The following MKKS variants were observed in gnomAD, a reference collection of about 807,000 sequenced individuals.
MKKS encodes the protein MKKS centrosomal shuttling protein.
Under a neutral mutation model 33.2 loss-of-function variants are expected in MKKS, and 29 were observed. The ratio of observed to expected loss-of-function variants is 0.87; its 90% CI spans 0.65 to 1.19. MKKS has a LOEUF of 1.19. Ranked by LOEUF, MKKS falls within the 50% of genes most tolerant of loss-of-function variation. The pLI, the probability that MKKS is intolerant of heterozygous loss-of-function variation, is 0.00. For synonymous variants in MKKS, 260 were observed against 244.0 expected (o/e 1.07, Z -0.61); for missense variants, 661 against 662.3 (o/e 1.00, Z 0.02).
chr20:10,419,047 A>G (rs1312434038), intron 2 of MKKS, among the ~76,000 whole-genome samples: 2 of 152,154 alleles, frequency 1.3e-5, no homozygotes, highest in South Asian at 2.1e-4. Flanking sequence ...TGAACATTTA[A>G]AAGTAAAATC....
chr20:10,408,564 T>A, intron 4 of MKKS, 64 bp downstream of exon 4: 1 of 1,545,120 alleles, frequency 6.5e-7, no homozygotes, highest in East Asian at 2.2e-5. Context: ...AAAATCATAA[T>A]AACTATTGAG....
At chr20:10,418,169 A>G (rs1291527785) in intron 2 of MKKS, among the ~76,000 whole-genome samples, 1 of 152,242 alleles carries the variant, frequency 6.6e-6, no homozygotes, top group African/African-American at 2.4e-5. Context: ...ATACAAAAGG[A>G]CTACATAGTG....
In MKKS at chr20:10,404,812, C is replaced by T. The variant is rs6108549; in HGVS notation, c.*435G>A. On this transcript the variant is annotated 3_prime_UTR_variant, in exon 6 of 6. Transcript: ENST00000347364. The stretch of plus-strand genomic sequence containing the variant: ...AGTTTGAATACTTCTTTTGATTGAG[C>T]AATATATACTGAATGTTTTGTGACA... 0.14 allele frequency: 22,324 copies of T among 154,656 alleles called. 1,807 individuals are homozygous for T. The highest frequency in any genetic ancestry group is 0.24 in the East Asian group (1,266 of 5,240). 9.6% of individuals were successfully genotyped at this position (154,656 alleles called of 1,614,324 possible).
At chr20:10,415,379 T>C (rs2122241015) in intron 2 of MKKS, among the ~76,000 whole-genome samples, 1 of 152,198 alleles carries the variant, frequency 6.6e-6, no homozygotes, top group Admixed American at 6.5e-5. Flanking sequence ...TGCAAAGAGG[T>C]GGGCAGAACA....
intron 3 of MKKS, among the ~76,000 whole-genome samples, chr20:10,411,708 AG>A (rs1291630307): frequency 6.6e-6 from 1 of 152,240 alleles, no homozygotes; most frequent in African/African-American, 2.4e-5. Flanking sequence ...CAATGGTTTA[AG>A]TCTAGTAACT....
chr20:10,424,954 G>T (rs978971156), intron 1 of MKKS, among the ~76,000 whole-genome samples: 1 of 151,878 alleles, frequency 6.6e-6, no homozygotes, highest in African/African-American at 2.4e-5. Flanking sequence ...TCGGGAGGCT[G>T]AGGCAGAAGA....
intron 1 of MKKS, among the ~76,000 whole-genome samples, chr20:10,430,423 TTG>T (rs2065047006): frequency 1.3e-5 from 2 of 151,590 alleles, no homozygotes; most frequent in South Asian, 4.2e-4. Context: ...ACTTGGCACT[TTG>T]TCTGGGCTCA....
chr20:10,411,301 T>C (rs1043156898), intron 3 of MKKS, among the ~76,000 whole-genome samples: 1 of 151,944 alleles, frequency 6.6e-6, no homozygotes, highest in Non-Finnish European at 1.5e-5. Flanking sequence ...TTTTTTTAGA[T>C]GTAGTCCTGC....
intron 1 of MKKS, among the ~76,000 whole-genome samples, chr20:10,427,701 A>G (rs1406669860): frequency 2.0e-5 from 3 of 152,236 alleles, no homozygotes; most frequent in African/African-American, 4.8e-5. Context: ...TAAACAGAAC[A>G]ATCGTTTTCC....
chr20:10,412,732 C>T lies in MKKS; in HGVS notation c.783G>A (p.Val261=), dbSNP rs751761252. 1.5e-5 allele frequency: 25 copies of T among 1,614,148 alleles called. No homozygotes were observed. The highest frequency in any genetic ancestry group is 2.1e-5 in the Non-Finnish European group (25 of 1,180,024). The change falls in exon 3 of 6, where the codon GTG becomes GTA. Residue 261 remains valine (V), a synonymous_variant. Transcript: ENST00000347364. The stretch of plus-strand genomic sequence containing the variant: ...TTTCAAGAGAAACCCCATAACTGAC[C>T]ACCACAGTTCCTTCTCCAGTGTCAG... ...DTSDTGEGTV[V]VSYGVSLENA...
At chr20:10,425,485 G>A (rs542294115) in intron 1 of MKKS, among the ~76,000 whole-genome samples, 4 of 152,292 alleles carry the variant, frequency 2.6e-5, no homozygotes, top group Admixed American at 6.5e-5. Context: ...TGACAAGAAA[G>A]TTTTTAAAAC....
intron 1 of MKKS, among the ~76,000 whole-genome samples, 177 bp from the exon 2 acceptor site, chr20:10,420,935 A>T (rs1265641558): frequency 1.3e-5 from 2 of 152,198 alleles, no homozygotes; most frequent in Non-Finnish European, 2.9e-5. Context: ...TCATTGACCC[A>T]AAGGGAGCAG....
In MKKS at chr20:10,407,835, C is replaced by T. The variant is rs1409663789; in HGVS notation, c.1162-109G>A. On this transcript the variant is annotated intron_variant, in intron 4 of 5. Coordinates refer to ENST00000347364, the MANE Select transcript of MKKS (RefSeq NM_170784.3). ...AATACAGAGAGTGTGATTTTAATTA[C>T]AAAAGAACAAAACTTGTGTGGTGCC... is the stretch of plus-strand genomic sequence containing the variant. 3.5e-6 allele frequency: 3 copies of T among 846,650 alleles called. No individual in the cohort carries two copies. In the African/African-American group the frequency reaches 5.0e-5, roughly 14 times the overall value. 52.4% of individuals were successfully genotyped at this position (846,650 alleles called of 1,614,324 possible).
intron 1 of MKKS, among the ~76,000 whole-genome samples, chr20:10,427,898 G>A (rs1271064276): frequency 1.3e-5 from 2 of 152,182 alleles, no homozygotes; most frequent in African/African-American, 4.8e-5. Flanking sequence ...AGGTCAGCTT[G>A]ACCTATATCC....
chr20:10,407,077 A>T (rs73896547), intron 5 of MKKS, among the ~76,000 whole-genome samples: 2 of 152,160 alleles, frequency 1.3e-5, no homozygotes, highest in Non-Finnish European at 2.9e-5. Context: ...TCTATTTAGT[A>T]TAATTAATAA....
chr20:10,413,500 T>C lies in MKKS; in HGVS notation c.15A>G (p.Glu5=), dbSNP rs145396188. 200 of 1,614,214 alleles carry C rather than the reference T, an allele frequency of 1.2e-4. No homozygotes were observed. The African/African-American group carries it at 2.5e-3, about 20-fold the overall frequency. ...TCTTACACAATGATGGCTTCTTAGC[T>C]TCCAAACGAGACATCTTACTTCAGG... MSRL[E]AKKPSLCKSE... The change falls in exon 3 of 6, where the codon GAA becomes GAG. Residue 5 remains glutamate (E), a synonymous_variant. Transcript: ENST00000347364.
At position 10,405,276 on chromosome 20, in the gene MKKS, G is replaced by T; in HGVS notation, c.1684C>A (p.Leu562Ile). Reference sequence around the variant, plus strand: ...TTTTTATCTTCAATAACATATGAAAGATCCAAAATCAAATTGGCTGTCTCT... The same window carrying T: ...TTTTTATCTTCAATAACATATGAAATATCCAAAATCAAATTGGCTGTCTCT... Reference protein sequence around the residue: ...AVETANLILDLSYVIEDKN With the variant: ...AVETANLILDISYVIEDKN Residue 562 changes from leucine to isoleucine, a missense_variant, in exon 6 of 6, where the codon CTT becomes ATT. Coordinates refer to ENST00000347364, the MANE Select transcript of MKKS (RefSeq NM_170784.3). 1.2e-6 allele frequency: 2 copies of T among 1,612,968 alleles called. No individual in the cohort carries two copies. The highest frequency in any genetic ancestry group is 1.7e-6 in the Non-Finnish European group (2 of 1,179,452).
intron 1 of MKKS, among the ~76,000 whole-genome samples, chr20:10,427,131 C>G (rs997288287): frequency 3.3e-5 from 5 of 151,178 alleles, no homozygotes; most frequent in African/African-American, 1.2e-4. Context: ...ACTTCCCAAA[C>G]AGCTGGATCT....
intron 3 of MKKS, among the ~76,000 whole-genome samples, chr20:10,410,708 T>C (rs2064878037): frequency 6.6e-6 from 1 of 152,114 alleles, no homozygotes; most frequent in Admixed American, 6.5e-5. Flanking sequence ...ACACAACCTA[T>C]ATCATTAATA....
Sources: gnomAD v4.1 joint callset for allele counts (sites outside exome capture counted in the v4.1 genomes callset) on GRCh38, gnomAD v4.1.1 for gene constraint, MANE v1.5 for transcripts, NCBI Gene and HGNC (gene_info 2026-07-23, HGNC 2026-07-21) for gene names.